The following TRAPPC9 variants were observed in gnomAD, a reference collection of about 807,000 sequenced individuals.
The protein encoded by TRAPPC9 is IKK2 binding protein.
TRAPPC9 carries 83 observed loss-of-function variants against 124.0 expected under a neutral mutation model. That is an observed-to-expected ratio of 0.67 (90% confidence interval 0.56 to 0.80). The LOEUF (loss-of-function observed/expected upper bound fraction) is 0.80. TRAPPC9 is among the 30% of genes least tolerant of loss of function. The probability of loss-of-function intolerance (pLI) is 0.00; values close to 1 mark genes in which losing one functional copy is unlikely to be tolerated. For missense variants in TRAPPC9, 1,302 were observed against 1,508.3 expected (o/e 0.86, Z 2.27); for synonymous variants, 638 against 617.5 (o/e 1.03, Z -0.49).
chr8:140,250,597 C>A (rs1048099924), intron 16 of TRAPPC9, among the ~76,000 whole-genome samples: 1 of 152,086 alleles, frequency 6.6e-6, no homozygotes, highest in Non-Finnish European at 1.5e-5. Flanking sequence ...CTGAACTGCA[C>A]GTAACAAGGC....
chr8:140,235,612 C>T (rs2063712351), intron 16 of TRAPPC9, among the ~76,000 whole-genome samples: 1 of 152,174 alleles, frequency 6.6e-6, no homozygotes, highest in Non-Finnish European at 1.5e-5. Flanking sequence ...TAGACCAGAA[C>T]AGCTGTAATT....
At chr8:139,901,273 T>C (rs967068605) in intron 20 of TRAPPC9, among the ~76,000 whole-genome samples, 24 of 152,334 alleles carry the variant, frequency 1.6e-4, no homozygotes, top group African/African-American at 5.8e-4. Context: ...AGGGCTCAGC[T>C]TAGCCCCACT....
chr8:139,937,776 C>T (rs373336232), intron 19 of TRAPPC9, among the ~76,000 whole-genome samples: 3 of 152,278 alleles, frequency 2.0e-5, no homozygotes, highest in African/African-American at 7.2e-5. Context: ...TTACCGCTGC[C>T]GCCACGGTTT....
intron 17 of TRAPPC9, among the ~76,000 whole-genome samples, chr8:140,127,345 C>A (rs2061117147): frequency 6.6e-6 from 1 of 152,192 alleles, no homozygotes; most frequent in African/African-American, 2.4e-5. Flanking sequence ...TGAACATACA[C>A]AACCAACTAT....
intron 17 of TRAPPC9, among the ~76,000 whole-genome samples, chr8:140,066,530 T>C (rs1721826694): frequency 6.6e-6 from 1 of 152,224 alleles, no homozygotes; most frequent in Non-Finnish European, 1.5e-5. Flanking sequence ...AGATTGAGAA[T>C]ACAGGCAAAA....
At chr8:139,936,580 G>A (rs939119322) in intron 19 of TRAPPC9, among the ~76,000 whole-genome samples, 6 of 152,244 alleles carry the variant, frequency 3.9e-5, no homozygotes, top group Non-Finnish European at 7.3e-5. Flanking sequence ...ACCCCAGGAC[G>A]AGGACTGAGA....
rs1031072007 is a variant in TRAPPC9, at chr8:140,397,611, T to C, written c.1134+9A>G. 2 of 1,613,908 alleles carry C rather than the reference T, an allele frequency of 1.2e-6. No homozygotes were observed. Among genetic ancestry groups the C allele is most frequent in the South Asian group, 1.1e-5 (1 of 91,076 alleles). On this transcript the variant is annotated intron_variant, in intron 7 of 22. Coordinates refer to ENST00000438773, the MANE Select transcript of TRAPPC9 (RefSeq NM_001160372.4). ...GAACTCTTCCACTTACAGGTAGACA[T>C]ACACTCACCTGTCGAAGGTTAATGT...
intron 17 of TRAPPC9, among the ~76,000 whole-genome samples, chr8:140,075,143 G>A (rs751262782): frequency 3.3e-5 from 5 of 152,126 alleles, no homozygotes; most frequent in Non-Finnish European, 5.9e-5. Context: ...CGGCCCCAGA[G>A]CAGGTGACTC....
intron 9 of TRAPPC9, among the ~76,000 whole-genome samples, chr8:140,356,934 T>C (rs1282669936): frequency 6.6e-6 from 1 of 152,142 alleles, no homozygotes; most frequent in Non-Finnish European, 1.5e-5. Flanking sequence ...GAAAAATGTC[T>C]GAGGACCCAA....
intron 19 of TRAPPC9, among the ~76,000 whole-genome samples, chr8:139,941,225 G>A (rs1289095441): frequency 1.3e-5 from 2 of 152,248 alleles, no homozygotes; most frequent in East Asian, 3.8e-4. Flanking sequence ...GCTGCCAGGT[G>A]AGAAGGGTGC....
intron 19 of TRAPPC9, among the ~76,000 whole-genome samples, chr8:139,982,238 C>T (rs544450784): frequency 1.1e-4 from 17 of 152,146 alleles, no homozygotes; most frequent in South Asian, 6.2e-4. Flanking sequence ...GGAAAATGGA[C>T]GAGGAGGGAA....
In TRAPPC9 at chr8:140,257,355, C is replaced by A. The variant is rs1294805032; in HGVS notation, c.2279-4426G>T. 6.6e-6 allele frequency among the ~76,000 whole-genome samples: 1 copy of A among 152,232 alleles called. No homozygotes were observed. Among genetic ancestry groups the A allele is most frequent in the Non-Finnish European group, 1.5e-5 (1 of 68,038 alleles). On this transcript the variant is annotated intron_variant, in intron 15 of 22. Transcript: ENST00000438773. This position sits in a 1 kb window ranked among gnomAD's most constrained non-coding sequence, Gnocchi z 4.6. ...CTCCACGCAGCAGTGCTGGCACTGG[C>A]CTGGGCCTCTTCTGCGCTGAGCCAA...
At chr8:140,198,835 T>G (rs2062721867) in intron 17 of TRAPPC9, among the ~76,000 whole-genome samples, 1 of 152,160 alleles carries the variant, frequency 6.6e-6, no homozygotes, top group Non-Finnish European at 1.5e-5. Context: ...TCTCCTCTGG[T>G]AGTCTGAGAA....
chr8:140,118,539 G>A (rs532207967), intron 17 of TRAPPC9, among the ~76,000 whole-genome samples: 1 of 152,346 alleles, frequency 6.6e-6, no homozygotes, highest in African/African-American at 2.4e-5. Flanking sequence ...TGATAGCCAT[G>A]TCTGTCACTA....
intron 8 of TRAPPC9, among the ~76,000 whole-genome samples, chr8:140,361,973 G>T (rs1004177231): frequency 6.6e-6 from 1 of 152,108 alleles, no homozygotes; most frequent in Non-Finnish European, 1.5e-5. Context: ...TTGCTCCAAG[G>T]GTTCCACCGC....
intron 2 of TRAPPC9, among the ~76,000 whole-genome samples, chr8:140,442,892 T>C (rs879614795): frequency 2.0e-5 from 3 of 151,898 alleles, no homozygotes; most frequent in Non-Finnish European, 4.4e-5. Context: ...CCCAGCACTA[T>C]GGGAGGCCGA....
chr8:140,390,155 T>G (rs2068885548), intron 7 of TRAPPC9, among the ~76,000 whole-genome samples: 1 of 151,998 alleles, frequency 6.6e-6, no homozygotes, highest in Admixed American at 6.6e-5. Flanking sequence ...AATACAAAAA[T>G]TAGCCGGGCA....
intron 21 of TRAPPC9, among the ~76,000 whole-genome samples, chr8:139,801,524 G>A (rs1296433462): frequency 1.3e-5 from 2 of 152,178 alleles, no homozygotes; most frequent in African/African-American, 4.8e-5. Flanking sequence ...CCTTCCCTTG[G>A]CTGTGTCCAC....
At chr8:140,069,298 C>G (rs1313138499) in intron 17 of TRAPPC9, among the ~76,000 whole-genome samples, 1 of 152,212 alleles carries the variant, frequency 6.6e-6, no homozygotes, top group African/African-American at 2.4e-5. Flanking sequence ...CACTGTCAAC[C>G]TTCCCTGCCC....
Sources: allele counts gnomAD v4.1 joint callset (sites outside exome capture counted in the v4.1 genomes callset), GRCh38; gene constraint gnomAD v4.1.1; non-coding constraint Gnocchi (gnomAD v3.1); transcripts MANE v1.5; gene names NCBI Gene and HGNC (gene_info 2026-07-23, HGNC 2026-07-21).